The following PARP1 variants were observed in gnomAD, a reference collection of about 807,000 sequenced individuals.
PARP1 encodes the protein poly(ADP-ribose) polymerase 1.
A neutral mutation model predicts 118.7 loss-of-function variants in PARP1; 44 were observed. The observed-to-expected ratio is 0.37, with a 90% CI of 0.29 to 0.48. PARP1 has a LOEUF of 0.48. PARP1 is among the 20% of genes least tolerant of loss of function. The pLI is 0.99. For synonymous variants in PARP1, 492 were observed against 483.2 expected, an observed-to-expected ratio of 1.02 and a Z score of -0.24; for missense variants, 1,100 against 1,272.4, an observed-to-expected ratio of 0.86 and a Z score of 2.06.
rs1276451078 is a variant in PARP1, at chr1:226,407,374, C to CAA, written c.120+434_120+435dup. On this transcript the variant is annotated intron_variant, in intron 1 of 22. Transcript: ENST00000366794. ...AAATGACTGCCAAAAATAGGTTTAA[C>CAA]AAAAAAAAAAAAAACCCACATGTCA... is the stretch of plus-strand genomic sequence containing the variant. Among the ~76,000 whole-genome samples, 747 of 124,078 alleles carry CAA rather than the reference C, an allele frequency of 6.0e-3. 4 individuals carry two copies. The highest frequency in any genetic ancestry group is 0.018 in the African/African-American group (629 of 34,542). The allele number at this position is 124,078 out of a possible 152,430, so 81.4% of individuals were successfully genotyped here. A position where few individuals can be genotyped will look rare whatever the true frequency, so the allele number is the denominator to read the frequency against.
At chr1:226,378,816 CAG>C (rs1576395370) in intron 12 of PARP1, among the ~76,000 whole-genome samples, 1 of 152,192 alleles carries the variant, frequency 6.6e-6, no homozygotes, top group African/African-American at 2.4e-5. Flanking sequence ...GCCTGGGTAA[CAG>C]AGCGAGACTA....
chr1:226,395,537 C>T (rs961083194), intron 2 of PARP1, among the ~76,000 whole-genome samples: 3 of 151,926 alleles, frequency 2.0e-5, no homozygotes, highest in Non-Finnish European at 2.9e-5. Context: ...CCCAGCTACT[C>T]GGGAGGCTGA....
intron 15 of PARP1, 115 bp from the exon 16 acceptor site, chr1:226,368,436 G>T: frequency 7.5e-7 from 1 of 1,332,636 alleles, no homozygotes; most frequent in Non-Finnish European, 1.1e-6. Flanking sequence ...AGCGTGGTAT[G>T]TGCACATGCC....
In PARP1 at chr1:226,361,380, C is replaced by G; in HGVS notation, c.*80G>C. On this transcript the variant is annotated 3_prime_UTR_variant, in exon 23 of 23. Transcript: ENST00000366794. Reference sequence around the variant, plus strand: ...CAGGTACTACCCATCAGCAACTTAGCGGCCAGGTGAGTTGGTGCAGAAGCG... The same window carrying G: ...CAGGTACTACCCATCAGCAACTTAGGGGCCAGGTGAGTTGGTGCAGAAGCG... 1.1e-6 allele frequency: 1 copy of G among 876,744 alleles called. No homozygotes were observed. Among genetic ancestry groups the G allele is most frequent in the Non-Finnish European group, 1.9e-6 (1 of 520,234 alleles). The allele number at this position is 876,744 out of a possible 1,614,324, so 54.3% of individuals were successfully genotyped here. A position where few individuals can be genotyped will look rare whatever the true frequency, so the allele number is the denominator to read the frequency against.
chr1:226,399,216 GT>G (rs1664981193), intron 2 of PARP1, among the ~76,000 whole-genome samples: 1 of 151,648 alleles, frequency 6.6e-6, no homozygotes, highest in Admixed American at 6.6e-5. Context: ...GGGACTACAG[GT>G]GCACACCACC....
At chr1:226,396,711 C>T (rs183756617) in intron 2 of PARP1, among the ~76,000 whole-genome samples, 4 of 152,040 alleles carry the variant, frequency 2.6e-5, no homozygotes, top group Admixed American at 6.6e-5. Flanking sequence ...AATCATTATG[C>T]CTTTTCATAT....
At chr1:226,366,759 C>A (rs1366673463) in intron 17 of PARP1, 1 of 158,384 alleles carries the variant, frequency 6.3e-6, no homozygotes. Flanking sequence ...TGCTTGGACC[C>A]ATAGGTCTAT....
intron 2 of PARP1, among the ~76,000 whole-genome samples, chr1:226,393,684 A>C (rs931611948): frequency 1.2e-4 from 18 of 152,212 alleles, no homozygotes; most frequent in Non-Finnish European, 2.9e-5. Flanking sequence ...AAATCAGAAC[A>C]GTGGTTACCT....
chr1:226,399,207 G>T (rs1187417537), intron 2 of PARP1, among the ~76,000 whole-genome samples: 1 of 151,570 alleles, frequency 6.6e-6, no homozygotes, highest in African/African-American at 2.4e-5. Flanking sequence ...CGAGTAGCTG[G>T]GACTACAGGT....
At chr1:226,361,615 C>A (rs1177501228) in intron 22 of PARP1, 74 bp from the exon 23 acceptor site, 1 of 1,094,668 alleles carries the variant, frequency 9.1e-7, no homozygotes, top group Non-Finnish European at 1.4e-6. Context: ...CTCCCCCAGG[C>A]TGGCAGGACG....
At position 226,385,684 on chromosome 1, in the gene PARP1, C is replaced by T. The variant is rs2102738578; in HGVS notation, c.835-4G>A. ...CATCAGCTACTCGGTCCAAGATCTGCAGCCAGTGGAGAAACATGTCAGAGG... is the reference window on the plus strand; with the variant it reads ...CATCAGCTACTCGGTCCAAGATCTGTAGCCAGTGGAGAAACATGTCAGAGG... On this transcript the variant is annotated splice_polypyrimidine_tract_variant and splice_region_variant and intron_variant, in intron 6 of 22. Transcript: ENST00000366794. 6.2e-7 allele frequency: 1 copy of T among 1,613,992 alleles called. No individual in the cohort carries two copies. The highest frequency in any genetic ancestry group is 8.5e-7 in the Non-Finnish European group (1 of 1,179,864).
At chr1:226,378,776 G>A (rs1359771079) in intron 12 of PARP1, among the ~76,000 whole-genome samples, 2 of 152,130 alleles carry the variant, frequency 1.3e-5, no homozygotes, top group Admixed American at 6.5e-5. Flanking sequence ...TCAAGGCTCC[G>A]CTGAGCTGTG....
rs1393725994 is a variant in PARP1 at position 226,363,983 on chromosome 1, T to C, written c.2746A>G (p.Ile916Val). ...ACTTCTCCCAACAGGATTAAGCCTA[T>C]TGGGTCTCCCTGAGACGTATGGCAG... ...NYCHTSQGDP[I>V]GLILLGEVAL... Residue 916 changes from isoleucine (I) to valine (V), a missense_variant, in exon 20 of 23, where the codon ATA (isoleucine) becomes GTA (valine). Around this residue, in one of 2 missense-constraint regions of PARP1, gnomAD observed 152 missense variants for 240.6 expected, o/e 0.63. Coordinates refer to ENST00000366794, the MANE Select transcript of PARP1 (RefSeq NM_001618.4). 5 of 1,614,078 alleles carry C rather than the reference T, an allele frequency of 3.1e-6. No individual in the cohort carries two copies. The highest frequency in any genetic ancestry group is 1.1e-5 in the South Asian group (1 of 91,064).
chr1:226,366,180 G>C, intron 17 of PARP1, 128 bp from the exon 18 acceptor site: 1 of 717,876 alleles, frequency 1.4e-6, no homozygotes, highest in Non-Finnish European at 2.5e-6. Context: ...ATGACCGAGA[G>C]CCTGTGTCCC....
At chr1:226,365,304 C>T (rs1365864983) in intron 18 of PARP1, 150 bp from the exon 19 acceptor site, 16 of 925,162 alleles carry the variant, frequency 1.7e-5, no homozygotes, top group Non-Finnish European at 2.4e-5. Context: ...GTGTTTTCCA[C>T]AAGGCTGGGA....
chr1:226,381,601 CCAAA>C (rs1370659584), intron 8 of PARP1, among the ~76,000 whole-genome samples: 4 of 152,334 alleles, frequency 2.6e-5, no homozygotes, highest in Non-Finnish European at 4.4e-5. Context: ...TGTTATTCTC[CCAAA>C]CAAACTGCAA....
At chr1:226,385,199 T>C (rs911216172) in intron 7 of PARP1, among the ~76,000 whole-genome samples, 41 of 152,314 alleles carry the variant, frequency 2.7e-4, no homozygotes, top group African/African-American at 9.9e-4. Flanking sequence ...TCACCATATG[T>C]CCCTCAAGCC....
intron 2 of PARP1, chr1:226,392,607 C>T (rs926116464): frequency 1.8e-6 from 1 of 545,178 alleles, no homozygotes; most frequent in Non-Finnish European, 3.3e-6. Flanking sequence ...GAGGCCCCTC[C>T]CACACTTTAG....
intron 16 of PARP1, 39 bp from the exon 17 acceptor site, chr1:226,367,647 G>T (rs3219123): frequency 6.8e-6 from 11 of 1,612,280 alleles, no homozygotes; most frequent in Non-Finnish European, 9.3e-6. Flanking sequence ...TAGGTATCAT[G>T]GTGAATGAGA....
Sources: allele counts gnomAD v4.1 joint callset (sites outside exome capture counted in the v4.1 genomes callset), GRCh38; gene constraint gnomAD v4.1.1; regional missense constraint gnomAD v4.1.1; transcripts MANE v1.5; gene names NCBI Gene and HGNC (gene_info 2026-07-23, HGNC 2026-07-21).